Variants in SPATA13 observed in about 807,000 individuals in gnomAD.
SPATA13 encodes the protein spermatogenesis-associated protein 13.
In SPATA13, 50 loss-of-function variants were observed where a neutral mutation model predicts 104.0. The ratio of observed to expected loss-of-function variants is 0.48; its 90% confidence interval spans 0.38 to 0.61. The LOEUF is 0.61. Among genes scored for constraint, SPATA13 ranks in the 20% least tolerant of loss-of-function variants. SPATA13 has a pLI of 0.00. For missense variants in SPATA13, 1,524 were observed against 1,690.6 expected (o/e 0.90, Z 1.73); for synonymous variants, 606 against 667.5 (o/e 0.91, Z 1.42).
chr13:24,177,407 T>C (rs1868498660), intron 1 of SPATA13, among the ~76,000 whole-genome samples: 1 of 152,212 alleles, frequency 6.6e-6, no homozygotes, highest in African/African-American at 2.4e-5. Context: ...ATGCCTGCTT[T>C]CTGGTTTATA....
chr13:24,038,350 T>C (rs1206279854), intron 3 of SPATA13, among the ~76,000 whole-genome samples: 1 of 122,176 alleles, frequency 8.2e-6, no homozygotes, highest in African/African-American at 2.6e-5. Context: ...GGGCTTTAGT[T>C]CCCTCTGTTC....
chr13:24,217,799 T>TC (rs1241323710), intron 1 of SPATA13, among the ~76,000 whole-genome samples: 1 of 152,076 alleles, frequency 6.6e-6, no homozygotes, highest in Non-Finnish European at 1.5e-5. Flanking sequence ...GGGAGGAGCT[T>TC]CCCAGCAGGG....
chr13:24,061,512 T>TA (rs1328555695), intron 3 of SPATA13, among the ~76,000 whole-genome samples: 1 of 152,180 alleles, frequency 6.6e-6, no homozygotes, highest in Non-Finnish European at 1.5e-5. Context: ...ATGTGGAACA[T>TA]ATGCACCATG....
chr13:24,014,955 A>G (rs1876643719), intron 2 of SPATA13, among the ~76,000 whole-genome samples: 1 of 134,836 alleles, frequency 7.4e-6, no homozygotes, highest in African/African-American at 2.8e-5. Flanking sequence ...CAGTGGCGCT[A>G]TCTGGGCTCA....
At chr13:24,116,729 TA>T (rs1041036641) in intron 3 of SPATA13, among the ~76,000 whole-genome samples, 69 of 144,854 alleles carry the variant, frequency 4.8e-4, no homozygotes, top group African/African-American at 1.9e-3. Context: ...GCCATAGACT[TA>T]ACTGTGTCCC....
chr13:24,116,771 C>G (rs972399145), intron 3 of SPATA13, among the ~76,000 whole-genome samples: 1 of 98,222 alleles, frequency 1.0e-5, no homozygotes, highest in Non-Finnish European at 1.8e-5. Flanking sequence ...CCCTACCAGC[C>G]CCCCCCCCCC....
intron 3 of SPATA13, among the ~76,000 whole-genome samples, chr13:24,091,028 G>T (rs1173168742): frequency 6.6e-6 from 1 of 152,186 alleles, no homozygotes; most frequent in Non-Finnish European, 1.5e-5. Flanking sequence ...TGCTTAGTTA[G>T]CCTAGTGGTT....
intron 1 of SPATA13, among the ~76,000 whole-genome samples, chr13:24,166,664 G>A (rs1167821962): frequency 3.3e-5 from 5 of 152,040 alleles, no homozygotes; most frequent in Non-Finnish European, 5.9e-5. Flanking sequence ...TCTGTGAGTG[G>A]GGCCCAGCAA....
chr13:24,240,361 A>T (rs1307652646), intron 2 of SPATA13, among the ~76,000 whole-genome samples: 3 of 152,040 alleles, frequency 2.0e-5, no homozygotes, highest in Admixed American at 6.5e-5. Context: ...GATGGTCTGG[A>T]TGTTTTTCTT....
chr13:24,000,823 C>A (rs902217512), intron 2 of SPATA13, among the ~76,000 whole-genome samples: 4 of 151,958 alleles, frequency 2.6e-5, no homozygotes, highest in Middle Eastern at 3.4e-3. Context: ...CGGGAGAACC[C>A]TGGGTGAGAG....
intron 10 of SPATA13, 137 bp downstream of exon 10, chr13:24,295,005 A>T: frequency 1.8e-5 from 15 of 835,846 alleles, no homozygotes; most frequent in Non-Finnish European, 2.4e-5. Context: ...ATTAATGGTA[A>T]ATGTATTTCG....
upstream of SPATA13, among the ~76,000 whole-genome samples, chr13:24,156,223 G>A (rs1354590729): frequency 1.3e-5 from 2 of 152,188 alleles, no homozygotes; most frequent in Non-Finnish European, 2.9e-5. Context: ...GGATGATACG[G>A]TAATTCTAGT....
At chr13:24,181,771 T>TTTG (rs1170941758) in intron 1 of SPATA13, among the ~76,000 whole-genome samples, 1 of 151,658 alleles carries the variant, frequency 6.6e-6, no homozygotes, top group African/African-American at 2.4e-5. Flanking sequence ...CTTTTTTTTT[T>TTTG]TTTGTTAAAG....
intron 2 of SPATA13, among the ~76,000 whole-genome samples, chr13:24,248,228 T>C (rs1251138554): frequency 1.3e-5 from 2 of 152,190 alleles, no homozygotes; most frequent in Admixed American, 6.5e-5. Flanking sequence ...GGTTACTCCA[T>C]GGCCCAGCTT....
Position 24,022,051 on chromosome 13 carries a change from C to CT in SPATA13, c.-112+4365dup, listed in dbSNP as rs780493002. On this transcript the variant is annotated intron_variant, in intron 3 of 14. Coordinates refer to the SPATA13 transcript ENST00000424834. The stretch of plus-strand genomic sequence containing the variant: ...TTAATGTTTCTTTTCTCTTTTCTTT[C>CT]TTTTTTTTTTTTTTTCAAATGGAGT... 8.2e-3 allele frequency among the ~76,000 whole-genome samples: 1,074 copies of CT among 130,794 alleles called. 6 individuals carry two copies. Among genetic ancestry groups the CT allele is most frequent in the African/African-American group, 0.014 (495 of 35,766 alleles). 85.8% of individuals were successfully genotyped at this position (130,794 alleles called of 152,430 possible).
intron 3 of SPATA13, among the ~76,000 whole-genome samples, chr13:24,020,325 T>C (rs1396420549): frequency 6.6e-6 from 1 of 152,102 alleles, no homozygotes; most frequent in Non-Finnish European, 1.5e-5. Context: ...TTCTAAGTTA[T>C]GAAAAAGGCA....
intron 4 of SPATA13, chr13:24,270,546 C>A (rs770469812): frequency 2.3e-6 from 1 of 439,484 alleles, no homozygotes; most frequent in South Asian, 3.8e-5. Flanking sequence ...TGAAGGCTCT[C>A]GGCAGCACCT....
At chr13:24,186,734 C>T (rs1322556263) in intron 1 of SPATA13, among the ~76,000 whole-genome samples, 1 of 152,126 alleles carries the variant, frequency 6.6e-6, no homozygotes, top group African/African-American at 2.4e-5. Context: ...GAGGGAAGTG[C>T]TCCACAGGGC....
intron 3 of SPATA13, among the ~76,000 whole-genome samples, chr13:24,048,724 G>A (rs76684555): frequency 0.03 from 4,521 of 152,118 alleles, 220 homozygotes; most frequent in African/African-American, 0.1. Flanking sequence ...AAGCTGAACC[G>A]TTTAATATCA....
Sources: allele counts gnomAD v4.1 joint callset (sites outside exome capture counted in the v4.1 genomes callset), GRCh38; gene constraint gnomAD v4.1.1; transcripts MANE v1.5; gene names NCBI Gene and HGNC (gene_info 2026-07-23, HGNC 2026-07-21).